TRIM69: variants seen among roughly 807,000 people sequenced by gnomAD.
TRIM69 encodes the protein tripartite motif containing 69, also known as E3 ubiquitin-protein ligase TRIM69.
In TRIM69, 29 loss-of-function variants were observed where a neutral mutation model predicts 37.7. That is an observed-to-expected ratio of 0.77 (90% confidence interval 0.57 to 1.05). TRIM69 has a LOEUF of 1.05. TRIM69 is among the 50% of genes least tolerant of loss of function. The pLI, the probability that TRIM69 is intolerant of heterozygous loss-of-function variation, is 0.00. For missense variants in TRIM69, 596 were observed against 579.9 expected (o/e 1.03, Z -0.28); for synonymous variants, 209 against 212.4 (o/e 0.98, Z 0.14).
rs113856657 is a variant in TRIM69 at position 44,750,724 on chromosome 15, T to C, written c.7-4176T>C. Among the ~76,000 whole-genome samples the C allele has an allele frequency of 2.0e-3, 206 of 103,846 alleles. 5 individuals carry two copies. The highest frequency in any genetic ancestry group is 2.6e-3 in the African/African-American group (68 of 26,220). The allele number at this position is 103,846 out of a possible 152,430, so 68.1% of individuals were successfully genotyped here. A position where few individuals can be genotyped will look rare whatever the true frequency, so the allele number is the denominator to read the frequency against. ...TATTTCATTACTTTTTCTTTTTTTT[T>C]TTTTTTTTTTTTTTTTTTGAGACGG... is the stretch of plus-strand genomic sequence containing the variant. On this transcript the variant is annotated intron_variant, in intron 1 of 6. Coordinates refer to ENST00000329464, the MANE Select transcript of TRIM69 (RefSeq NM_182985.5).
At chr15:44,759,895 G>T in intron 6 of TRIM69, 23 bp downstream of exon 6, 2 of 1,595,660 alleles carry the variant, frequency 1.3e-6, no homozygotes, top group Non-Finnish European at 1.7e-6. Context: ...AGTAACTATT[G>T]GTTCTTGAGG....
rs1383434319 is a variant in TRIM69, at chr15:44,736,578, C to T, written c.-127C>T. 8.1e-6 allele frequency: 9 copies of T among 1,109,354 alleles called. No homozygotes were observed. The highest frequency in any genetic ancestry group is 1.1e-5 in the Non-Finnish European group (9 of 790,840). The allele number at this position is 1,109,354 out of a possible 1,614,324, so 68.7% of individuals were successfully genotyped here. On this transcript the variant is annotated 5_prime_UTR_variant, in exon 1 of 7. Coordinates refer to ENST00000329464, the MANE Select transcript of TRIM69 (RefSeq NM_182985.5). ...CTCTCCAGCTCCTGAACTTTTCTTT[C>T]TTCCATCATGCTCTGAGCCCATTCC...
chr15:44,765,302 G>A (rs2087862031), intron 6 of TRIM69, among the ~76,000 whole-genome samples: 1 of 152,202 alleles, frequency 6.6e-6, no homozygotes, highest in African/African-American at 2.4e-5. Flanking sequence ...GCTTAGCAAA[G>A]AGAGCAGAGT....
intron 1 of TRIM69, among the ~76,000 whole-genome samples, chr15:44,743,903 C>A (rs969173732): frequency 1.7e-4 from 26 of 152,138 alleles, no homozygotes; most frequent in African/African-American, 6.0e-4. Flanking sequence ...TGTGGTGATT[C>A]CTCAGGGATC....
At chr15:44,764,389 T>C (rs2087844604) in intron 6 of TRIM69, among the ~76,000 whole-genome samples, 1 of 152,262 alleles carries the variant, frequency 6.6e-6, no homozygotes, top group South Asian at 2.1e-4. Context: ...GTCAGACCTT[T>C]GTAAAATATA....
intron 1 of TRIM69, among the ~76,000 whole-genome samples, chr15:44,743,400 A>G (rs2087335269): frequency 6.6e-6 from 1 of 152,232 alleles, no homozygotes; most frequent in Admixed American, 6.5e-5. Flanking sequence ...GGACATAGGC[A>G]TGGGCAAGGA....
chr15:44,759,898 T>C (rs778908845), intron 6 of TRIM69, 26 bp downstream of exon 6: 6 of 1,596,126 alleles, frequency 3.8e-6, no homozygotes, highest in Admixed American at 1.7e-5. Context: ...AACTATTGGT[T>C]CTTGAGGCTC....
rs12907112 is a variant in TRIM69, at chr15:44,767,113, G to T, written c.962-118G>T. On this transcript the variant is annotated intron_variant, in intron 6 of 6. Transcript: ENST00000329464. Reference sequence around the variant, plus strand: ...TATAAGTAATTGCTTGCCTGTCTAAGAGTCTATGTGTATGGGGAGATAAAG... The same window carrying T: ...TATAAGTAATTGCTTGCCTGTCTAATAGTCTATGTGTATGGGGAGATAAAG... 2.9e-4 allele frequency: 115 copies of T among 398,528 alleles called. No homozygotes were observed. Among genetic ancestry groups the T allele is most frequent in the African/African-American group, 2.6e-3 (109 of 42,654 alleles). The allele number at this position is 398,528 out of a possible 1,614,324, so 24.7% of individuals were successfully genotyped here. A position where few individuals can be genotyped will look rare whatever the true frequency, so the allele number is the denominator to read the frequency against.
chr15:44,749,477 G>A (rs1321543707), intron 1 of TRIM69, among the ~76,000 whole-genome samples: 1 of 152,122 alleles, frequency 6.6e-6, no homozygotes, highest in Non-Finnish European at 1.5e-5. Flanking sequence ...AAATGGAATC[G>A]TGTAATATGT....
chr15:44,763,027 GA>G (rs2087811004), intron 6 of TRIM69, among the ~76,000 whole-genome samples: 1 of 152,088 alleles, frequency 6.6e-6, no homozygotes, highest in Non-Finnish European at 1.5e-5. Flanking sequence ...TAACATCTTA[GA>G]TTTAACATTT....
At chr15:44,747,108 A>T (rs958563692) in intron 1 of TRIM69, among the ~76,000 whole-genome samples, 1 of 152,202 alleles carries the variant, frequency 6.6e-6, no homozygotes, top group Non-Finnish European at 1.5e-5. Flanking sequence ...GCCACAACCC[A>T]CAAGCCCTGG....
At chr15:44,751,207 C>T (rs1382602552) in intron 1 of TRIM69, among the ~76,000 whole-genome samples, 1 of 151,660 alleles carries the variant, frequency 6.6e-6, no homozygotes, top group Non-Finnish European at 1.5e-5. Context: ...CCTCCCCCTC[C>T]CAGGTTCAAG....
intron 1 of TRIM69, among the ~76,000 whole-genome samples, chr15:44,748,680 G>T (rs928349696): frequency 4.6e-5 from 7 of 151,362 alleles, no homozygotes; most frequent in Admixed American, 4.6e-4. Context: ...CAAAAAATTA[G>T]CCAGGCATGG....
At chr15:44,738,479 C>T (rs1040619374) in intron 1 of TRIM69, among the ~76,000 whole-genome samples, 3 of 152,194 alleles carry the variant, frequency 2.0e-5, no homozygotes, top group African/African-American at 7.2e-5. Flanking sequence ...TAGACTTCTT[C>T]CCCTAAAAGG....
At chr15:44,756,190 CCTTTT>C (rs2087641993) in intron 2 of TRIM69, among the ~76,000 whole-genome samples, 173 bp from the exon 3 acceptor site, 1 of 152,108 alleles carries the variant, frequency 6.6e-6, no homozygotes, top group Admixed American at 6.5e-5. Flanking sequence ...CCACACCCGG[CCTTTT>C]CTTTTCTTTT....
At chr15:44,760,260 T>C (rs543140567) in intron 6 of TRIM69, among the ~76,000 whole-genome samples, 1 of 152,328 alleles carries the variant, frequency 6.6e-6, no homozygotes, top group East Asian at 1.9e-4. Context: ...GTTTCTTTTG[T>C]GCTTGATGTT....
chr15:44,751,101 G>A (rs1287266890), intron 1 of TRIM69, among the ~76,000 whole-genome samples: 2 of 149,916 alleles, frequency 1.3e-5, no homozygotes, highest in Admixed American at 6.6e-5. Flanking sequence ...AATTACAGGT[G>A]CATGCACCAC....
At chr15:44,741,175 C>T (rs1188255791) in intron 1 of TRIM69, among the ~76,000 whole-genome samples, 1 of 152,128 alleles carries the variant, frequency 6.6e-6, no homozygotes, top group Non-Finnish European at 1.5e-5. Context: ...CTCAAAACCG[C>T]TCAACTACAT....
At chr15:44,756,287 C>A in intron 2 of TRIM69, 81 bp from the exon 3 acceptor site, 1 of 956,950 alleles carries the variant, frequency 1.0e-6, no homozygotes, top group Admixed American at 2.2e-5. Flanking sequence ...TTTTCTTGCA[C>A]ACTGGGGCCT....
Sources: gnomAD v4.1 joint callset for allele counts (sites outside exome capture counted in the v4.1 genomes callset) on GRCh38, gnomAD v4.1.1 for gene constraint, MANE v1.5 for transcripts, NCBI Gene and HGNC (gene_info 2026-07-23, HGNC 2026-07-21) for gene names.